The following PCCA variants were observed in gnomAD, a reference collection of about 807,000 sequenced individuals.
The protein encoded by PCCA is propionyl-CoA carboxylase alpha chain, mitochondrial.
In PCCA, 74 loss-of-function variants were observed where a neutral mutation model predicts 101.3. That is an observed-to-expected ratio of 0.73 (90% CI 0.61 to 0.89). The LOEUF (loss-of-function observed/expected upper bound fraction) is 0.89, where lower values mean the gene tolerates loss of function less well. Among genes scored for constraint, PCCA ranks in the 40% least tolerant of loss-of-function variants. The pLI, the probability that PCCA is intolerant of heterozygous loss-of-function variation, is 0.00. For synonymous variants in PCCA, 294 were observed against 313.6 expected (o/e 0.94, Z 0.66); for missense variants, 891 against 907.0 (o/e 0.98, Z 0.23).
intron 10 of PCCA, among the ~76,000 whole-genome samples, chr13:100,263,162 TCTG>T (rs2152565323): frequency 6.6e-6 from 1 of 152,322 alleles, no homozygotes; most frequent in Non-Finnish European, 1.5e-5. Flanking sequence ...TGACAGGTGT[TCTG>T]CTAGGAGCTT....
chr13:100,232,351 CGTGTGTGTGTGTGTGTGT>C (rs375554722), intron 7 of PCCA, among the ~76,000 whole-genome samples: 92 of 131,266 alleles, frequency 7.0e-4, no homozygotes, highest in Non-Finnish European at 9.9e-4. Flanking sequence ...TGTGTGTATG[CGTGTGTGTGTGTGTGTGT>C]GTGTGTGTGT....
Position 100,163,766 on chromosome 13 carries a change from G to A in PCCA, c.468+6426G>A, listed in dbSNP as rs117254070. Among the ~76,000 whole-genome samples the A allele has an allele frequency of 6.1e-3, 932 of 152,106 alleles. 7 individuals are homozygous for A. Among genetic ancestry groups the A allele is most frequent in the Non-Finnish European group, 9.1e-3 (619 of 67,984 alleles). On this transcript the variant is annotated intron_variant, in intron 6 of 23. Coordinates refer to ENST00000376285, the MANE Select transcript of PCCA (RefSeq NM_000282.4). ...ATCAAGGTGGTTGGATTTATGTCTAGCATTTTATTATTTGTTTTCTCTCAG... is the reference window on the plus strand; with the variant it reads ...ATCAAGGTGGTTGGATTTATGTCTAACATTTTATTATTTGTTTTCTCTCAG...
intron 7 of PCCA, 104 bp from the exon 8 acceptor site, chr13:100,235,738 A>G (rs529951157): frequency 6.4e-6 from 5 of 787,176 alleles, no homozygotes; most frequent in African/African-American, 1.7e-5. Flanking sequence ...AAAATTGAAC[A>G]TTAAATGAAT....
intron 4 of PCCA, among the ~76,000 whole-genome samples, chr13:100,121,202 G>T (rs541259247): frequency 6.9e-6 from 1 of 144,490 alleles, no homozygotes; most frequent in Admixed American, 7.0e-5. Context: ...TGTCACCCAG[G>T]CTGGAGTGTC....
chr13:100,442,918 T>C (rs1223109599), intron 20 of PCCA, among the ~76,000 whole-genome samples: 1 of 151,952 alleles, frequency 6.6e-6, no homozygotes, highest in African/African-American at 2.4e-5. Flanking sequence ...CAAGCTTGTT[T>C]TGTGTGAAGG....
At chr13:100,477,820 G>A (rs2083531704) in intron 21 of PCCA, among the ~76,000 whole-genome samples, 1 of 152,174 alleles carries the variant, frequency 6.6e-6, no homozygotes, top group Non-Finnish European at 1.5e-5. Context: ...GCCTCTTCAT[G>A]TGACTGTCTC....
chr13:100,261,283 A>G (rs1054856520), intron 9 of PCCA, among the ~76,000 whole-genome samples: 2 of 152,100 alleles, frequency 1.3e-5, no homozygotes, highest in African/African-American at 4.8e-5. Context: ...TAAATTTTAT[A>G]TGCTGATTAT....
intron 6 of PCCA, among the ~76,000 whole-genome samples, chr13:100,188,207 C>T (rs1306441033): frequency 2.6e-5 from 4 of 152,112 alleles, no homozygotes; most frequent in Non-Finnish European, 5.9e-5. Flanking sequence ...GCAGGAGAAT[C>T]GCTTGAAGCC....
chr13:100,255,284 G>A (rs77235982), intron 8 of PCCA, among the ~76,000 whole-genome samples: 2,101 of 152,238 alleles, frequency 0.014, 27 homozygotes, highest in Admixed American at 0.026. Context: ...CACCTTTTCT[G>A]AGCATCTGAT....
intron 18 of PCCA, among the ~76,000 whole-genome samples, chr13:100,367,086 G>A (rs952462607): frequency 6.6e-6 from 1 of 152,106 alleles, no homozygotes; most frequent in South Asian, 2.1e-4. Flanking sequence ...ACTACAAAAT[G>A]CTGATGTTTA....
At chr13:100,366,441 A>G (rs960825416) in intron 18 of PCCA, among the ~76,000 whole-genome samples, 1 of 152,144 alleles carries the variant, frequency 6.6e-6, no homozygotes, top group African/African-American at 2.4e-5. Flanking sequence ...ATCCTGTGCC[A>G]GGAGCTGGAG....
intron 20 of PCCA, among the ~76,000 whole-genome samples, chr13:100,443,939 C>A (rs2080570622): frequency 6.6e-6 from 1 of 152,070 alleles, no homozygotes; most frequent in Non-Finnish European, 1.5e-5. Flanking sequence ...GTATCTTCAG[C>A]ATGACCTCAG....
chr13:100,166,685 G>C (rs2055071297), intron 6 of PCCA, among the ~76,000 whole-genome samples: 1 of 152,090 alleles, frequency 6.6e-6, no homozygotes, highest in Non-Finnish European at 1.5e-5. Flanking sequence ...TCATCTGTTG[G>C]TGGACATGTG....
intron 6 of PCCA, chr13:100,161,187 A>AT (rs2054431609): frequency 6.6e-6 from 1 of 152,168 alleles, no homozygotes; most frequent in Non-Finnish European, 1.5e-5. Context: ...GTTAACCAAA[A>AT]ACCTTTTAAA....
chr13:100,285,647 C>T (rs1013880616), intron 12 of PCCA, among the ~76,000 whole-genome samples: 2 of 152,164 alleles, frequency 1.3e-5, no homozygotes, highest in Non-Finnish European at 2.9e-5. Flanking sequence ...CCAGGTGCTC[C>T]TCCTTGAAGG....
At chr13:100,413,523 G>C (rs947756116) in intron 19 of PCCA, among the ~76,000 whole-genome samples, 1 of 152,172 alleles carries the variant, frequency 6.6e-6, no homozygotes, top group Admixed American at 6.5e-5. Flanking sequence ...CTTGGAAAAG[G>C]AGAAAAATAG....
At chr13:100,461,922 A>T (rs1461046117) in intron 21 of PCCA, among the ~76,000 whole-genome samples, 1 of 152,180 alleles carries the variant, frequency 6.6e-6, no homozygotes, top group Non-Finnish European at 1.5e-5. Flanking sequence ...GTTTACCCTC[A>T]ACTCCACAGG....
chr13:100,241,114 T>C (rs2061103583), intron 8 of PCCA, among the ~76,000 whole-genome samples: 2 of 152,158 alleles, frequency 1.3e-5, no homozygotes, highest in Non-Finnish European at 2.9e-5. Flanking sequence ...TACTATACAA[T>C]TCAGCCTTTC....
At chr13:100,261,669 A>C (rs974724589) in intron 9 of PCCA, among the ~76,000 whole-genome samples, 1 of 152,200 alleles carries the variant, frequency 6.6e-6, no homozygotes, top group African/African-American at 2.4e-5. Flanking sequence ...AAATATTTGA[A>C]TAATAGGCAT....
Sources: allele counts gnomAD v4.1 joint callset (sites outside exome capture counted in the v4.1 genomes callset), GRCh38; gene constraint gnomAD v4.1.1; transcripts MANE v1.5; gene names NCBI Gene and HGNC (gene_info 2026-07-23, HGNC 2026-07-21).